Variants in PASD1 observed in about 807,000 individuals in gnomAD.
The protein encoded by PASD1 is circadian clock protein PASD1.
A neutral mutation model predicts 58.8 loss-of-function variants in PASD1; 13 were observed. The ratio of observed to expected loss-of-function variants is 0.22; its 90% CI spans 0.14 to 0.35. The LOEUF is 0.35. Among genes scored for constraint, PASD1 ranks in the 10% least tolerant of loss-of-function variants. The pLI is 1.00. For missense variants in PASD1, 734 were observed against 568.3 expected (o/e 1.29, Z -2.96); for synonymous variants, 236 against 216.7 (o/e 1.09, Z -0.78).
intron 8 of PASD1, among the ~76,000 whole-genome samples, chrX:151,636,007 ACTT>A (rs1031143851): frequency 4.5e-5 from 5 of 111,709 alleles, no homozygotes; most frequent in African/African-American, 1.6e-4. Context: ...TATAATTTTT[ACTT>A]CTTAATTAAA....
In PASD1 at chrX:151,601,461, T is replaced by A. The variant is rs763591225; in HGVS notation, c.-27-66T>A. The A allele has an allele frequency of 4.2e-4, 357 of 855,159 alleles. 3 individuals are homozygous for A. In the East Asian group the frequency reaches 0.011, roughly 25 times the overall value. The allele number at this position is 855,159 out of a possible 1,213,427, so 70.5% of individuals were successfully genotyped here. A position where few individuals can be genotyped will look rare whatever the true frequency, so the allele number is the denominator to read the frequency against. ...CACAATTGAGAATTTTGATTAGTCT[T>A]ATTGCTTTACTGTGATTCACCATAG... On this transcript the variant is annotated intron_variant, in intron 1 of 15. Transcript: ENST00000370357.
intron 11 of PASD1, among the ~76,000 whole-genome samples, chrX:151,668,102 T>C (rs998123151): frequency 1.8e-4 from 20 of 111,315 alleles, no homozygotes; most frequent in Admixed American, 6.7e-4. Context: ...AAGGGAATGC[T>C]TCCAGTTTTT....
chrX:151,653,864 CTCCCTCTTTCTTTCTTTCTT>C (rs2014191274), intron 9 of PASD1, among the ~76,000 whole-genome samples: 1 of 25,499 alleles, frequency 3.9e-5, no homozygotes, highest in Non-Finnish European at 8.0e-5. Context: ...CCCTCCCTCC[CTCCCTCTTTCTTTCTTTCTT>C]TCTTTCTTTC....
intron 3 of PASD1, 143 bp downstream of exon 3, chrX:151,604,877 C>A (rs1357458214): frequency 6.2e-6 from 3 of 483,881 alleles, no homozygotes; most frequent in African/African-American, 4.8e-5. Flanking sequence ...TCGTCTGAAT[C>A]AGACTCTCAA....
At chrX:151,591,645 CTGT>C (rs1298184658) in intron 1 of PASD1, among the ~76,000 whole-genome samples, 35 of 111,513 alleles carry the variant, frequency 3.1e-4, no homozygotes, top group Non-Finnish European at 4.5e-4. Context: ...GTTTCTGAAT[CTGT>C]TGTTTTAGAA....
At chrX:151,601,678 G>T (rs756611740) in intron 2 of PASD1, 97 bp downstream of exon 2, 35 of 889,296 alleles carry the variant, frequency 3.9e-5, no homozygotes, top group Non-Finnish European at 5.3e-5. Context: ...CCTCAGGGAA[G>T]CCTGATTCAC....
In PASD1 at chrX:151,639,930, A is replaced by G. The variant is rs754966690; in HGVS notation, c.630-8685A>G. ...GGCCAAACTTCAAATCATATCTCAT[A>G]TTTGCACAGCCAACACAGGCCATTA... is the stretch of plus-strand genomic sequence containing the variant. On this transcript the variant is annotated intron_variant, in intron 8 of 15. Transcript: ENST00000370357. 2.7e-5 allele frequency among the ~76,000 whole-genome samples: 3 copies of G among 112,314 alleles called. No homozygotes were observed. In the South Asian group the frequency reaches 1.1e-3, roughly 42 times the overall value.
At chrX:151,611,942 G>A (rs1014326298) in intron 4 of PASD1, among the ~76,000 whole-genome samples, 189 bp downstream of exon 4, 7 of 104,902 alleles carry the variant, frequency 6.7e-5, no homozygotes, top group Non-Finnish European at 1.2e-4. Flanking sequence ...AATATTAGGT[G>A]TATCTCCTAA....
intron 8 of PASD1, among the ~76,000 whole-genome samples, chrX:151,626,487 T>C (rs2013789640): frequency 8.9e-6 from 1 of 111,908 alleles, no homozygotes; most frequent in African/African-American, 3.2e-5. Context: ...TAATACTATA[T>C]AGTTATTCAG....
intron 1 of PASD1, among the ~76,000 whole-genome samples, chrX:151,590,091 A>G (rs1190460470): frequency 8.9e-6 from 1 of 112,194 alleles, no homozygotes; most frequent in African/African-American, 3.2e-5. Context: ...CCATGAAATA[A>G]GAAATGTAAT....
At chrX:151,629,521 T>C (rs2013839891) in intron 8 of PASD1, among the ~76,000 whole-genome samples, 1 of 112,177 alleles carries the variant, frequency 8.9e-6, no homozygotes, top group Non-Finnish European at 1.9e-5. Flanking sequence ...TCTCTGAATG[T>C]GCTTTATTGC....
At chrX:151,671,548 C>G (rs201877966) in intron 12 of PASD1, 25 bp from the exon 13 acceptor site, 55 of 1,198,939 alleles carry the variant, frequency 4.6e-5, no homozygotes, top group Non-Finnish European at 5.6e-5. Context: ...GTGAATAAGA[C>G]CTTTGTGATA....
intron 1 of PASD1, among the ~76,000 whole-genome samples, chrX:151,581,515 G>A (rs1029999860): frequency 2.7e-5 from 3 of 110,494 alleles, no homozygotes; most frequent in South Asian, 3.9e-4. Context: ...ACTTGAGCCC[G>A]GAGTTTGAGG....
At chrX:151,573,696 A>G (rs2012959728) in intron 1 of PASD1, among the ~76,000 whole-genome samples, 4 of 112,397 alleles carry the variant, frequency 3.6e-5, no homozygotes, top group Admixed American at 2.8e-4. Context: ...AGGGAAGGAC[A>G]TTTTAGGCAA....
intron 1 of PASD1, among the ~76,000 whole-genome samples, chrX:151,588,323 T>G (rs1218113626): frequency 8.9e-6 from 1 of 112,646 alleles, no homozygotes; most frequent in Non-Finnish European, 1.9e-5. Flanking sequence ...TTCAATACTT[T>G]GAGGTTTTTA....
chrX:151,672,451 A>G lies in PASD1; in HGVS notation c.1706A>G (p.Glu569Gly). 8.3e-7 allele frequency: 1 copy of G among 1,211,921 alleles called. No individual in the cohort carries two copies. Among genetic ancestry groups the G allele is most frequent in the Non-Finnish European group, 1.1e-6 (1 of 895,589 alleles). ...GAGCAGCAGAAGCAGCAGCTGCAAG[A>G]GCAGCCACTGAAGCATAATGTCATC... is the stretch of plus-strand genomic sequence containing the variant. ...EEEQQKQQLQ[E>G]QPLKHNVIVG... The change falls in exon 14 of 16, where the codon GAG (glutamate) becomes GGG (glycine). Residue 569 changes from glutamate (E) to glycine (G), a missense_variant. Physicochemically the swap from Glu to Gly is moderately conservative, Grantham distance 98 (BLOSUM62 -2). Transcript: ENST00000370357.
At chrX:151,638,712 AT>A (rs2013962453) in intron 8 of PASD1, among the ~76,000 whole-genome samples, 1 of 110,989 alleles carries the variant, frequency 9.0e-6, no homozygotes, top group Non-Finnish European at 1.9e-5. Context: ...ATATTTTGTC[AT>A]TTTTTTTCTC....
intron 1 of PASD1, among the ~76,000 whole-genome samples, chrX:151,582,710 G>C (rs995729953): frequency 3.6e-5 from 4 of 111,492 alleles, no homozygotes; most frequent in African/African-American, 1.3e-4. Flanking sequence ...GAAGTGCACT[G>C]GACTGTCACT....
intron 4 of PASD1, among the ~76,000 whole-genome samples, chrX:151,616,950 A>G (rs1192860812): frequency 1.8e-5 from 2 of 111,456 alleles, no homozygotes; most frequent in African/African-American, 3.3e-5. Context: ...TGCATGTATA[A>G]TATGAGTGTC....
Sources: gnomAD v4.1 joint callset for allele counts (sites outside exome capture counted in the v4.1 genomes callset) on GRCh38, gnomAD v4.1.1 for gene constraint, MANE v1.5 for transcripts, NCBI Gene and HGNC (gene_info 2026-07-23, HGNC 2026-07-21) for gene names.